Variants in NUP107 observed in about 807,000 individuals in gnomAD.
The protein encoded by NUP107 is nucleoporin 107.
Under a neutral mutation model 141.0 loss-of-function variants are expected in NUP107, and 101 were observed. That is an observed-to-expected ratio of 0.72 (90% CI 0.61 to 0.84). NUP107 has a LOEUF of 0.84. NUP107 is among the 40% of genes least tolerant of loss of function. NUP107 has a pLI of 0.00. For missense variants in NUP107, 941 were observed against 1,102.7 expected, an observed-to-expected ratio of 0.85 and a Z score of 2.08; for synonymous variants, 319 against 363.9, an observed-to-expected ratio of 0.88 and a Z score of 1.41.
chr12:68,690,433 T>C, intron 3 of NUP107, 198 bp from the exon 4 acceptor site: 1 of 654,622 alleles, frequency 1.5e-6, no homozygotes, highest in African/African-American at 1.8e-5. Flanking sequence ...TTAGGCTCAG[T>C]AGTACCTACA....
chr12:68,731,305 T>G, intron 21 of NUP107, 45 bp downstream of exon 21: 1 of 1,542,916 alleles, frequency 6.5e-7, no homozygotes, highest in Non-Finnish European at 8.7e-7. Context: ...TCTAGGCAAA[T>G]GTTCATTTTG....
chr12:68,718,279 C>G (rs756351969), intron 12 of NUP107, among the ~76,000 whole-genome samples: 10 of 152,080 alleles, frequency 6.6e-5, no homozygotes, highest in Non-Finnish European at 1.0e-4. Flanking sequence ...CTTGTTAGCT[C>G]ACATCCCTAA....
chr12:68,687,616 C>T, intron 1 of NUP107: 1 of 985,856 alleles, frequency 1.0e-6, no homozygotes. Flanking sequence ...GCGATTAAGT[C>T]TCCTTGTCAC....
At chr12:68,736,717 C>CGTTTTTTTTTTTTTT (rs1878083915) in intron 26 of NUP107, among the ~76,000 whole-genome samples, 3 of 105,894 alleles carry the variant, frequency 2.8e-5, no homozygotes, top group African/African-American at 1.1e-4. Context: ...GTGTCGCCAC[C>CGTTTTTTTTTTTTTT]TTTTTTTTTT....
Position 68,709,985 on chromosome 12 carries a change from T to G in NUP107, c.802-20T>G. ...AGATTTGGTAGTTAACACTAATTTA[T>G]TTTTTTCTTTCTTTCTTAGCTGGTG... On this transcript the variant is annotated intron_variant, in intron 9 of 27. Transcript: ENST00000229179. 3 of 1,452,734 alleles carry G rather than the reference T, an allele frequency of 2.1e-6. No homozygotes were observed. Among genetic ancestry groups the G allele is most frequent in the Non-Finnish European group, 2.9e-6 (3 of 1,039,626 alleles). The allele number at this position is 1,452,734 out of a possible 1,614,324, so 90.0% of individuals were successfully genotyped here.
Position 68,690,685 on chromosome 12 carries a change from G to T in NUP107, c.242G>T (p.Gly81Val), listed in dbSNP as rs1196174528. The T allele has an allele frequency of 6.2e-7, 1 of 1,614,146 alleles. No individual in the cohort carries two copies. ...CAGCCAGATATTTCCTGCATTCTTG[G>T]AACAGGAGGGAAGTCGCCCCGACTT... ...LRQPDISCIL[G>V]TGGKSPRLTQ... Residue 81 changes from glycine to valine, a missense_variant, in exon 4 of 28, where the codon GGA (glycine) becomes GTA (valine). Transcript: ENST00000229179.
intron 5 of NUP107, among the ~76,000 whole-genome samples, chr12:68,696,087 T>C (rs1028551428): frequency 1.3e-5 from 2 of 152,026 alleles, no homozygotes; most frequent in African/African-American, 4.8e-5. Context: ...ATTTTGAGGC[T>C]GGGTGCGGTG....
chr12:68,721,290 C>T, intron 15 of NUP107, 113 bp downstream of exon 15: 7 of 617,582 alleles, frequency 1.1e-5, no homozygotes, highest in Non-Finnish European at 1.9e-5. Flanking sequence ...TAAGTATATA[C>T]ATACTTAAGT....
At chr12:68,702,101 GTC>G (rs1384152638) in intron 7 of NUP107, among the ~76,000 whole-genome samples, 1 of 152,154 alleles carries the variant, frequency 6.6e-6, no homozygotes, top group Non-Finnish European at 1.5e-5. Flanking sequence ...CGATTCTCCT[GTC>G]TCAGCCTCCC....
At position 68,741,912 on chromosome 12, in the gene NUP107, A is replaced by G; in HGVS notation, c.2602A>G (p.Thr868Ala). ...CFLLHTILHS[T>A]GQYQECLQLA... Reference sequence around the variant, plus strand: ...TCTGCTTCATACGATATTGCACAGTACTGGTCAGTATCAGGAATGCCTACA... The same window carrying G: ...TCTGCTTCATACGATATTGCACAGTGCTGGTCAGTATCAGGAATGCCTACA... The change falls in exon 27 of 28, where the codon ACT becomes GCT. Residue 868 changes from threonine to alanine, a missense_variant. By Grantham distance (58) the Thr-to-Ala change is moderately conservative. Coordinates refer to ENST00000229179, the MANE Select transcript of NUP107 (RefSeq NM_020401.4). 15 of 1,613,932 alleles carry G rather than the reference A, an allele frequency of 9.3e-6. No homozygotes were observed. Among genetic ancestry groups the G allele is most frequent in the Non-Finnish European group, 1.3e-5 (15 of 1,179,866 alleles).
intron 1 of NUP107, 120 bp downstream of exon 1, chr12:68,687,193 G>A (rs1875538036): frequency 2.2e-6 from 3 of 1,388,280 alleles, no homozygotes; most frequent in East Asian, 4.6e-5. Context: ...CTTCCCCTAA[G>A]GCTCCTTCCC....
intron 8 of NUP107, among the ~76,000 whole-genome samples, chr12:68,703,759 G>C (rs531462805): frequency 1.3e-4 from 20 of 152,208 alleles, no homozygotes; most frequent in Non-Finnish European, 2.6e-4. Flanking sequence ...TATACTGAGA[G>C]TTTTAAAATT....
At chr12:68,719,008 C>A (rs185315884) in intron 12 of NUP107, among the ~76,000 whole-genome samples, 2 of 152,262 alleles carry the variant, frequency 1.3e-5, no homozygotes, top group Admixed American at 1.3e-4. Flanking sequence ...CCTGCCTCAG[C>A]CTCCCGAGTA....
intron 3 of NUP107, 53 bp downstream of exon 3, chr12:68,689,672 A>G (rs1875685639): frequency 9.3e-7 from 1 of 1,072,346 alleles, no homozygotes; most frequent in Admixed American, 2.0e-5. Flanking sequence ...TATAATAGCA[A>G]CTAACATTTA....
intron 17 of NUP107, among the ~76,000 whole-genome samples, chr12:68,724,782 AAAAC>A (rs948157274): frequency 6.6e-5 from 10 of 152,274 alleles, no homozygotes; most frequent in East Asian, 5.8e-4. Context: ...CTCTGTCTCA[AAAAC>A]AAACAAACAA....
intron 7 of NUP107, 126 bp downstream of exon 7, chr12:68,700,979 C>A: frequency 1.2e-6 from 1 of 863,246 alleles, no homozygotes; most frequent in Non-Finnish European, 1.7e-6. Flanking sequence ...CTTATCATTT[C>A]GAATACCTTA....
At position 68,719,366 on chromosome 12, in the gene NUP107, GT is replaced by G; in HGVS notation, c.1110del (p.Gln371LysfsTer25). 1 of 1,614,144 alleles carries G rather than the reference GT, an allele frequency of 6.2e-7. No individual in the cohort carries two copies. Among genetic ancestry groups the G allele is most frequent in the Non-Finnish European group, 8.5e-7 (1 of 1,180,014 alleles). ...GCACAACGACTCTGTAAACGCTGTG[GT>G]CAAGCATGGAGAGCTGCAACACTTG... ...EEAQRLCKRCGQAWRAATLEG... is the reference protein window; with the variant it reads ...EEAQRLCKRCXQAWRAATLEG... On this transcript the variant is annotated frameshift_variant, in exon 13 of 28. Coordinates refer to ENST00000229179, the MANE Select transcript of NUP107 (RefSeq NM_020401.4). LOFTEE classifies it high-confidence loss of function.
chr12:68,689,775 A>G (rs1875690683), intron 3 of NUP107, 156 bp downstream of exon 3: 1 of 601,448 alleles, frequency 1.7e-6, no homozygotes, highest in Non-Finnish European at 2.9e-6. Flanking sequence ...CTTGCCATGT[A>G]CAAGGTACTG....
At position 68,710,005 on chromosome 12, in the gene NUP107, C is replaced by G; in HGVS notation, c.802C>G (p.Leu268Val). 1.3e-6 allele frequency: 2 copies of G among 1,565,620 alleles called. No homozygotes were observed. The highest frequency in any genetic ancestry group is 8.8e-7 in the Non-Finnish European group (1 of 1,141,354). Residue 268 changes from leucine (L) to valine (V), a missense_variant and splice_region_variant, in exon 10 of 28, where the codon CTG becomes GTG. Transcript: ENST00000229179. ...QRDSLVRQSQ[L>V]VVDWLESIAK... Reference sequence around the variant, plus strand: ...ATTTATTTTTTTCTTTCTTTCTTAGCTGGTGGTAGATTGGTTAGAGAGTAT... The same window carrying G: ...ATTTATTTTTTTCTTTCTTTCTTAGGTGGTGGTAGATTGGTTAGAGAGTAT...
Sources: gnomAD v4.1 joint callset for allele counts (sites outside exome capture counted in the v4.1 genomes callset) on GRCh38, gnomAD v4.1.1 for gene constraint, MANE v1.5 for transcripts, NCBI Gene and HGNC (gene_info 2026-07-23, HGNC 2026-07-21) for gene names.